TRIM67: variants seen among roughly 807,000 people sequenced by gnomAD.
TRIM67 encodes the protein tripartite motif-containing protein 67.
A neutral mutation model predicts 71.0 loss-of-function variants in TRIM67; 39 were observed. The ratio of observed to expected loss-of-function variants is 0.55; its 90% confidence interval spans 0.43 to 0.72. The LOEUF (loss-of-function observed/expected upper bound fraction) is 0.72. TRIM67 is among the 30% of genes least tolerant of loss of function. The pLI, the probability that TRIM67 is intolerant of heterozygous loss-of-function variation, is 0.00. For synonymous variants in TRIM67, 481 were observed against 473.9 expected, an observed-to-expected ratio of 1.01 and a Z score of -0.19; for missense variants, 973 against 1,079.2, an observed-to-expected ratio of 0.90 and a Z score of 1.38.
At chr1:231,195,225 G>A (rs1683336541) in intron 1 of TRIM67, among the ~76,000 whole-genome samples, 1 of 152,186 alleles carries the variant, frequency 6.6e-6, no homozygotes. Context: ...TCAGATGGGT[G>A]TCAAACCTGT....
intron 1 of TRIM67, among the ~76,000 whole-genome samples, chr1:231,178,105 T>TG (rs1682804003): frequency 6.6e-6 from 1 of 152,196 alleles, no homozygotes; most frequent in Non-Finnish European, 1.5e-5. Flanking sequence ...CTCATTAGCA[T>TG]GGCTCTCTCC....
chr1:231,165,400 A>G (rs955242859), intron 1 of TRIM67, among the ~76,000 whole-genome samples: 8 of 152,252 alleles, frequency 5.3e-5, no homozygotes, highest in Non-Finnish European at 8.8e-5. Flanking sequence ...GATTAAGTAT[A>G]ATACTGTATG....
Position 231,163,083 on chromosome 1 carries a change from C to T in TRIM67, c.114C>T (p.Thr38=), listed in dbSNP as rs1682334499. ...LPCARTIAVQ[T]PDGEQHLPQP... ...GCGCTCGCACCATCGCGGTGCAGAC[C>T]CCGGACGGTGAGCAGCACCTGCCCC... The change falls in exon 1 of 10, where the codon ACC becomes ACT. Residue 38 remains threonine (T), a synonymous_variant. Coordinates refer to ENST00000366653, the MANE Select transcript of TRIM67 (RefSeq NM_001004342.5). 1 of 1,590,252 alleles carries T rather than the reference C, an allele frequency of 6.3e-7. No homozygotes were observed. Among genetic ancestry groups the T allele is most frequent in the Non-Finnish European group, 8.5e-7 (1 of 1,169,744 alleles).
Position 231,213,810 on chromosome 1 carries a change from C to G in TRIM67, c.2124-5C>G, listed in dbSNP as rs528420511. 1 of 1,584,018 alleles carries G rather than the reference C, an allele frequency of 6.3e-7. No individual in the cohort carries two copies. The highest frequency in any genetic ancestry group is 8.6e-7 in the Non-Finnish European group (1 of 1,162,432). On this transcript the variant is annotated splice_region_variant and splice_polypyrimidine_tract_variant and intron_variant, in intron 8 of 9. Coordinates refer to ENST00000366653, the MANE Select transcript of TRIM67 (RefSeq NM_001004342.5). ...TGATGGTCTTCCTGGGGACTCTCTT[C>G]CCAGGACGGAAGGTGGCGTGTGCAA...
intron 5 of TRIM67, among the ~76,000 whole-genome samples, chr1:231,202,523 G>A (rs918532167): frequency 5.9e-5 from 9 of 152,110 alleles, no homozygotes; most frequent in African/African-American, 1.9e-4. Context: ...TATGAAATCA[G>A]CAAATGCTGG....
At position 231,215,433 on chromosome 1, in the gene TRIM67, G is replaced by A. The variant is rs1220261840; in HGVS notation, c.2345G>A (p.Gly782Asp). The A allele has an allele frequency of 6.2e-7, 1 of 1,609,936 alleles. No homozygotes were observed. Among genetic ancestry groups the A allele is most frequent in the Non-Finnish European group, 8.5e-7 (1 of 1,177,716 alleles). The change falls in exon 10 of 10, where the codon GGC becomes GAC. Residue 782 changes from glycine (G) to aspartate (D), a missense_variant. By Grantham distance (94) the Gly-to-Asp change is moderately conservative (BLOSUM62 -1). Transcript: ENST00000366653. ...PTNLGRPKLSGN is the reference protein window; with the variant it reads ...PTNLGRPKLSDN ...AACCTGGGGCGGCCAAAGCTGTCAG[G>A]CAATTAGCCCCGCTCCAGCTCGGCA...
chr1:231,185,180 C>T (rs1571880929), intron 1 of TRIM67: 1 of 1,532,980 alleles, frequency 6.5e-7, no homozygotes, highest in Non-Finnish European at 8.7e-7. Context: ...TCCACGGCGT[C>T]CATTCCTGCA....
chr1:231,213,603 C>T (rs764236936), intron 8 of TRIM67, among the ~76,000 whole-genome samples: 3 of 152,024 alleles, frequency 2.0e-5, no homozygotes, highest in Non-Finnish European at 1.5e-5. Flanking sequence ...TCATGTCATG[C>T]GCCTGTAGTC....
In TRIM67 at chr1:231,216,521, G is replaced by C. The variant is rs757049907; in HGVS notation, c.*1081G>C. 17 of 985,390 alleles carry C rather than the reference G, an allele frequency of 1.7e-5. No homozygotes were observed. The highest frequency in any genetic ancestry group is 1.9e-5 in the Non-Finnish European group (16 of 829,974). The allele number at this position is 985,390 out of a possible 1,614,324, so 61.0% of individuals were successfully genotyped here. ...TAAGCATTTAAAATGGGAGACCCTG[G>C]GAAAGCCTGTTCTAGTCAGTCCACC... On this transcript the variant is annotated 3_prime_UTR_variant, in exon 10 of 10. Coordinates refer to ENST00000366653, the MANE Select transcript of TRIM67 (RefSeq NM_001004342.5).
chr1:231,196,178 G>A (rs1236946128), intron 1 of TRIM67, among the ~76,000 whole-genome samples: 1 of 152,182 alleles, frequency 6.6e-6, no homozygotes, highest in Non-Finnish European at 1.5e-5. Context: ...CGTGAGGAAA[G>A]TCCTCACTGA....
intron 6 of TRIM67, 97 bp from the exon 7 acceptor site, chr1:231,206,555 C>G (rs1432260407): frequency 7.7e-7 from 1 of 1,301,544 alleles, no homozygotes; most frequent in Admixed American, 3.2e-5. Context: ...CACCTGGCAA[C>G]AGCACTTTTA....
intron 1 of TRIM67, among the ~76,000 whole-genome samples, chr1:231,164,815 G>C (rs984806455): frequency 6.6e-6 from 1 of 152,200 alleles, no homozygotes; most frequent in East Asian, 1.9e-4. Context: ...GCACAGATGA[G>C]AGGAAGAGAC....
intron 1 of TRIM67, among the ~76,000 whole-genome samples, chr1:231,173,431 GA>G (rs1480974710): frequency 6.6e-6 from 1 of 152,158 alleles, no homozygotes; most frequent in Non-Finnish European, 1.5e-5. Context: ...CAGAAAAGTT[GA>G]AAAACAATCA....
At position 231,218,933 on chromosome 1, in the gene TRIM67, G is replaced by T; in HGVS notation, c.*3493G>T. ...CTCTCAGGAAAGGATCAGAATGCAG[G>T]ATCTTTGTGTATTTCTTCCAGGGAT... On this transcript the variant is annotated 3_prime_UTR_variant, in exon 10 of 10. Coordinates refer to ENST00000366653, the MANE Select transcript of TRIM67 (RefSeq NM_001004342.5). 1 of 985,518 alleles carries T rather than the reference G, an allele frequency of 1.0e-6. No homozygotes were observed. Among genetic ancestry groups the T allele is most frequent in the Non-Finnish European group, 1.2e-6 (1 of 829,974 alleles). 61.0% of individuals were successfully genotyped at this position (985,518 alleles called of 1,614,324 possible). A position where few individuals can be genotyped will look rare whatever the true frequency, so the allele number is the denominator to read the frequency against.
At position 231,215,867 on chromosome 1, in the gene TRIM67, G is replaced by T. The variant is rs946166502; in HGVS notation, c.*427G>T. ...TGCGCTGTAATCCCACGCCCCGGGT[G>T]TTGGCCCTCCGTGGGGACCTTGCCT... is the stretch of plus-strand genomic sequence containing the variant. On this transcript the variant is annotated 3_prime_UTR_variant, in exon 10 of 10. Coordinates refer to ENST00000366653, the MANE Select transcript of TRIM67 (RefSeq NM_001004342.5). The T allele has an allele frequency of 4.0e-6, 4 of 999,818 alleles. No individual in the cohort carries two copies. In the African/African-American group the frequency reaches 6.9e-5, roughly 17 times the overall value. The allele number at this position is 999,818 out of a possible 1,614,324, so 61.9% of individuals were successfully genotyped here.
In TRIM67 at chr1:231,213,731, T is replaced by C. The variant is rs1038307248; in HGVS notation, c.2124-84T>C. On this transcript the variant is annotated intron_variant, in intron 8 of 9. Transcript: ENST00000366653. ...GGGTGACAGAGTGAGACCGTGTCTC[T>C]AAATAAGTAAATAATTCTCCTGAGT... is the stretch of plus-strand genomic sequence containing the variant. 30 of 1,466,572 alleles carry C rather than the reference T, an allele frequency of 2.0e-5. No homozygotes were observed. In the African/African-American group the frequency reaches 3.3e-4, roughly 16 times the overall value. 90.8% of individuals were successfully genotyped at this position (1,466,572 alleles called of 1,614,324 possible). A position where few individuals can be genotyped will look rare whatever the true frequency, so the allele number is the denominator to read the frequency against.
At chr1:231,194,534 AAGG>A (rs371671751) in intron 1 of TRIM67, among the ~76,000 whole-genome samples, 22 of 152,272 alleles carry the variant, frequency 1.4e-4, no homozygotes, top group African/African-American at 5.1e-4. Context: ...CTAGAAAGTG[AAGG>A]AGAAGGGAGA....
chr1:231,208,298 C>T (rs866273353), intron 7 of TRIM67, among the ~76,000 whole-genome samples: 1 of 152,116 alleles, frequency 6.6e-6, no homozygotes, highest in Non-Finnish European at 1.5e-5. Context: ...CTCAGCCTCC[C>T]GAGTGGCTGG....
chr1:231,180,933 G>C (rs1051082843), intron 1 of TRIM67, among the ~76,000 whole-genome samples: 4 of 152,060 alleles, frequency 2.6e-5, no homozygotes, highest in African/African-American at 9.7e-5. Flanking sequence ...GGGATGGATA[G>C]TGCCACCTCT....
Sources: gnomAD v4.1 joint callset for allele counts (sites outside exome capture counted in the v4.1 genomes callset) on GRCh38, gnomAD v4.1.1 for gene constraint, MANE v1.5 for transcripts, NCBI Gene and HGNC (gene_info 2026-07-23, HGNC 2026-07-21) for gene names.